STK31: variants seen among roughly 807,000 people sequenced by gnomAD.
STK31 encodes serine/threonine kinase 31.
Under a neutral mutation model 129.7 loss-of-function variants are expected in STK31, and 89 were observed. That is an observed-to-expected ratio of 0.69 (90% CI 0.58 to 0.82). The LOEUF (loss-of-function observed/expected upper bound fraction) is 0.82. Ranked by LOEUF, STK31 falls within the 40% of genes least tolerant of loss-of-function variation. The probability of loss-of-function intolerance (pLI) is 0.00; values close to 1 mark genes in which losing one functional copy is unlikely to be tolerated. For missense variants in STK31, 1,187 were observed against 1,176.4 expected (o/e 1.01, Z -0.13); for synonymous variants, 448 against 395.3 (o/e 1.13, Z -1.58).
At chr7:23,715,637 T>C (rs562773941) in intron 3 of STK31, among the ~76,000 whole-genome samples, 1 of 152,026 alleles carries the variant, frequency 6.6e-6, no homozygotes, top group East Asian at 1.9e-4. Context: ...TGAAAAAATA[T>C]AGTTATATGG....
At chr7:23,762,591 G>C (rs1789540385) in intron 10 of STK31, among the ~76,000 whole-genome samples, 1 of 151,668 alleles carries the variant, frequency 6.6e-6, no homozygotes, top group Non-Finnish European at 1.5e-5. Flanking sequence ...ATAAAAATTA[G>C]ATCAGAGTTG....
chr7:23,821,276 G>T (rs1793770250), intron 23 of STK31, among the ~76,000 whole-genome samples: 1 of 152,074 alleles, frequency 6.6e-6, no homozygotes, highest in Non-Finnish European at 1.5e-5. Context: ...ATGTATAACA[G>T]TTTCCTGTTC....
chr7:23,739,184 T>C (rs894413798), intron 8 of STK31, among the ~76,000 whole-genome samples: 2 of 152,228 alleles, frequency 1.3e-5, no homozygotes, highest in Non-Finnish European at 2.9e-5. Flanking sequence ...TGGAGTGAGA[T>C]GGTATCTCAT....
intron 23 of STK31, among the ~76,000 whole-genome samples, chr7:23,829,526 T>C (rs959193884): frequency 3.3e-5 from 5 of 152,192 alleles, no homozygotes; most frequent in Non-Finnish European, 4.4e-5. Flanking sequence ...GGATTCGGAT[T>C]GGTAGTATTT....
At chr7:23,726,424 C>T (rs73080956) in intron 4 of STK31, 32,161 of 97,282 alleles carry the variant, frequency 0.33, 4,575 homozygotes, top group East Asian at 0.51. Context: ...GAGACCTTGC[C>T]TCTACAAAAA....
At position 23,830,406 on chromosome 7, in the gene STK31, C is replaced by G. The variant is rs541425708; in HGVS notation, c.2830-1730C>G. On this transcript the variant is annotated intron_variant, in intron 23 of 23. Coordinates refer to ENST00000355870, the MANE Select transcript of STK31 (RefSeq NM_031414.5). ...ATTGCTATAAACTTCTCTTTTCTCA[C>G]TGCTTTTGCTATATCTCATCAGTTT... is the stretch of plus-strand genomic sequence containing the variant. 3.3e-5 allele frequency among the ~76,000 whole-genome samples: 5 copies of G among 152,132 alleles called. No individual in the cohort carries two copies. In the South Asian group the frequency reaches 1.0e-3, roughly 32 times the overall value.
intron 11 of STK31, among the ~76,000 whole-genome samples, chr7:23,765,173 G>A (rs964210436): frequency 2.6e-5 from 4 of 151,960 alleles, no homozygotes; most frequent in African/African-American, 7.3e-5. Context: ...TCCTGCCTCA[G>A]CCTACCTAGT....
intron 3 of STK31, among the ~76,000 whole-genome samples, chr7:23,713,113 G>A (rs987798702): frequency 3.3e-5 from 5 of 152,104 alleles, no homozygotes; most frequent in East Asian, 1.9e-4. Flanking sequence ...AGGCAACTGC[G>A]TCGCTGTATG....
At chr7:23,807,019 A>C (rs1792757322) in intron 22 of STK31, among the ~76,000 whole-genome samples, 1 of 152,108 alleles carries the variant, frequency 6.6e-6, no homozygotes, top group Non-Finnish European at 1.5e-5. Context: ...TTTGAGAGCC[A>C]ATCAAGAACC....
rs539369745 is a variant in STK31 at position 23,727,394 on chromosome 7, C to T, written c.324+79C>T. The stretch of plus-strand genomic sequence containing the variant: ...TCAAAAATTTGATGCTTATTTAGCC[C>T]TTCATTGCTTATTCGTAGTACTGAT... On this transcript the variant is annotated intron_variant, in intron 5 of 23. Coordinates refer to ENST00000355870, the MANE Select transcript of STK31 (RefSeq NM_031414.5). The T allele has an allele frequency of 4.1e-6, 5 of 1,232,282 alleles. No individual in the cohort carries two copies. The African/African-American group carries it at 6.0e-5, about 15-fold the overall frequency. The allele number at this position is 1,232,282 out of a possible 1,614,324, so 76.3% of individuals were successfully genotyped here. A position where few individuals can be genotyped will look rare whatever the true frequency, so the allele number is the denominator to read the frequency against.
At chr7:23,753,781 T>A (rs1584387171) in intron 9 of STK31, among the ~76,000 whole-genome samples, 2 of 152,242 alleles carry the variant, frequency 1.3e-5, no homozygotes, top group East Asian at 3.8e-4. Flanking sequence ...CTTAAATGTG[T>A]GTATAGGACA....
intron 23 of STK31, among the ~76,000 whole-genome samples, chr7:23,823,049 A>G (rs535634106): frequency 5.1e-4 from 77 of 152,346 alleles, no homozygotes; most frequent in African/African-American, 1.6e-3. Flanking sequence ...TAGTGCCGCA[A>G]TAAACGTATG....
intron 22 of STK31, among the ~76,000 whole-genome samples, chr7:23,804,118 A>G (rs982606867): frequency 2.0e-5 from 3 of 152,030 alleles, no homozygotes; most frequent in East Asian, 3.9e-4. Flanking sequence ...GGGTCTCACT[A>G]TATTGCTCAG....
At chr7:23,710,965 A>G (rs73080919) in intron 1 of STK31, among the ~76,000 whole-genome samples, 7,222 of 152,294 alleles carry the variant, frequency 0.047, 309 homozygotes, top group African/African-American at 0.11. Flanking sequence ...GACCAGTAGA[A>G]AAGAACCCTT....
intron 21 of STK31, among the ~76,000 whole-genome samples, chr7:23,789,737 GGTTA>G (rs1791504752): frequency 6.6e-6 from 1 of 151,964 alleles, no homozygotes; most frequent in East Asian, 1.9e-4. Flanking sequence ...CAGGGGTTCT[GGTTA>G]GTTTACCTTT....
chr7:23,730,874 A>ATTTTTTTTTTTTTTTT (rs1460221456), intron 6 of STK31, among the ~76,000 whole-genome samples: 1 of 59,732 alleles, frequency 1.7e-5, no homozygotes. Context: ...ATATATATAT[A>ATTTTTTTTTTTTTTTT]TATATTTTTT....
intron 1 of STK31, 61 bp from the exon 2 acceptor site, chr7:23,712,038 T>G (rs1050714348): frequency 5.9e-6 from 8 of 1,360,652 alleles, no homozygotes; most frequent in Non-Finnish European, 7.2e-6. Context: ...CATGATGTAG[T>G]TTAGTCTTCA....
At chr7:23,804,169 C>T (rs767470787) in intron 22 of STK31, among the ~76,000 whole-genome samples, 29 of 152,078 alleles carry the variant, frequency 1.9e-4, no homozygotes, top group Non-Finnish European at 3.5e-4. Context: ...CTTCCCACCT[C>T]GATCTCCCAA....
chr7:23,710,454 C>A, intron 1 of STK31, 119 bp downstream of exon 1: 3 of 1,566,896 alleles, frequency 1.9e-6, no homozygotes, highest in Non-Finnish European at 2.6e-6. Flanking sequence ...TTTCTGTCAC[C>A]TTCTAGCCGC....
Sources: allele counts gnomAD v4.1 joint callset (sites outside exome capture counted in the v4.1 genomes callset), GRCh38; gene constraint gnomAD v4.1.1; transcripts MANE v1.5; gene names NCBI Gene and HGNC (gene_info 2026-07-23, HGNC 2026-07-21).